The following CPSF7 variants were observed in gnomAD, a reference collection of about 807,000 sequenced individuals.
The protein encoded by CPSF7 is cleavage and polyadenylation specificity factor subunit 7.
A neutral mutation model predicts 44.3 loss-of-function variants in CPSF7; 1 was observed. The observed-to-expected ratio is 0.02, with a 90% CI of 0.01 to 0.11. CPSF7 has a LOEUF of 0.11. CPSF7 is among the 10% of genes least tolerant of loss of function. The pLI is 1.00. For synonymous variants in CPSF7, 202 were observed against 222.0 expected (o/e 0.91, Z 0.80); for missense variants, 443 against 607.2 (o/e 0.73, Z 2.84).
chr11:61,426,232 A>G (rs970397583), intron 2 of CPSF7, among the ~76,000 whole-genome samples: 2 of 152,252 alleles, frequency 1.3e-5, no homozygotes, highest in Non-Finnish European at 2.9e-5. Flanking sequence ...CTTGGGGCGA[A>G]ATCAGTAACA....
In CPSF7 at chr11:61,411,781, C is replaced by A. The variant is rs1259133145; in HGVS notation, c.1214G>T (p.Gly405Val). Residue 405 changes from glycine to valine, a missense_variant, in exon 8 of 10, where the codon GGG becomes GTG. Gly to Val is a moderately radical substitution (Grantham distance 109). Coordinates refer to ENST00000439958, the MANE Select transcript of CPSF7 (RefSeq NM_001142565.3). ...ATCACCAACTCACCTGGAAGAGCTCCCACTGGCACCCACACTGTAGGACTT... is the reference window on the plus strand; with the variant it reads ...ATCACCAACTCACCTGGAAGAGCTCACACTGGCACCCACACTGTAGGACTT... ...EAKSYSVGAS[G>V]SSSRKRHRSR... The A allele has an allele frequency of 6.2e-7, 1 of 1,610,866 alleles. No individual in the cohort carries two copies.
In CPSF7 at chr11:61,410,990, G is replaced by A. The variant is rs1320085150; in HGVS notation, c.1342C>T (p.Arg448Trp). 7 of 1,613,316 alleles carry A rather than the reference G, an allele frequency of 4.3e-6. No homozygotes were observed. The highest frequency in any genetic ancestry group is 5.9e-6 in the Non-Finnish European group (7 of 1,179,852). ...RHDDYFQERN[R>W]EHERHRDRER... ...CTATCCCGGTGTCTCTCATGCTCCC[G>A]GTTCCTTTCTTGGAAATAATCATCA... The change falls in exon 9 of 10, where the codon CGG becomes TGG. Residue 448 changes from arginine to tryptophan, a missense_variant. Transcript: ENST00000439958.
At chr11:61,429,068 G>A in intron 2 of CPSF7, 114 bp downstream of exon 2, 2 of 630,300 alleles carry the variant, frequency 3.2e-6, no homozygotes, top group South Asian at 1.9e-5. Context: ...ATTTTAGACC[G>A]GATAGACGCG....
At chr11:61,408,286 C>A (rs995452285) in intron 9 of CPSF7, among the ~76,000 whole-genome samples, 2 of 151,842 alleles carry the variant, frequency 1.3e-5, no homozygotes, top group Admixed American at 1.3e-4. Context: ...TGGTCTCGGT[C>A]GGGATAGAGA....
At chr11:61,425,424 A>T (rs1045891345) in intron 2 of CPSF7, among the ~76,000 whole-genome samples, 1 of 152,270 alleles carries the variant, frequency 6.6e-6, no homozygotes, top group Non-Finnish European at 1.5e-5. Context: ...GAGATTAAAC[A>T]TGAAACATAT....
In CPSF7 at chr11:61,410,861, A is replaced by G. The variant is rs1446862383; in HGVS notation, c.*5+77T>C. ...CCTTGCTGCATTTACTTTTGCTTTAAAGAGAGAGAATTCTTCACTATAAAT... is the reference window on the plus strand; with the variant it reads ...CCTTGCTGCATTTACTTTTGCTTTAGAGAGAGAGAATTCTTCACTATAAAT... On this transcript the variant is annotated intron_variant, in intron 9 of 9. Coordinates refer to ENST00000439958, the MANE Select transcript of CPSF7 (RefSeq NM_001142565.3). 6 of 1,424,484 alleles carry G rather than the reference A, an allele frequency of 4.2e-6. No individual in the cohort carries two copies. The Admixed American group carries it at 1.2e-4, about 29-fold the overall frequency. The allele number at this position is 1,424,484 out of a possible 1,614,324, so 88.2% of individuals were successfully genotyped here.
intron 2 of CPSF7, among the ~76,000 whole-genome samples, chr11:61,423,105 C>CAAAAAAAAAA (rs71471824): frequency 1.9e-5 from 1 of 52,352 alleles, no homozygotes; most frequent in African/African-American, 8.8e-5. Context: ...GACCCCATAT[C>CAAAAAAAAAA]AAAAAAAAAA....
intron 5 of CPSF7, 35 bp downstream of exon 5, chr11:61,419,914 C>T (rs1483145143): frequency 6.2e-7 from 1 of 1,609,802 alleles, no homozygotes; most frequent in East Asian, 2.2e-5. Context: ...CAGATGGTCT[C>T]CACGTACCCC....
At chr11:61,412,638 C>T (rs1208218328) in intron 7 of CPSF7, among the ~76,000 whole-genome samples, 1 of 152,150 alleles carries the variant, frequency 6.6e-6, no homozygotes, top group Admixed American at 6.5e-5. Context: ...TATAAAGGAA[C>T]ATTGGTTCTA....
intron 4 of CPSF7, 97 bp from the exon 5 acceptor site, chr11:61,420,191 A>AGATGTCCTTTGCTTT: frequency 9.9e-7 from 1 of 1,014,810 alleles, no homozygotes; most frequent in Non-Finnish European, 1.5e-6. Context: ...TGATAAAGCA[A>AGATGTCCTTTGCTTT]AGGACATCTT....
intron 7 of CPSF7, among the ~76,000 whole-genome samples, chr11:61,412,943 T>C (rs1859986059): frequency 6.6e-6 from 1 of 152,258 alleles, no homozygotes. Flanking sequence ...TATTGGTTGA[T>C]GGTCCTTGTA....
chr11:61,427,292 A>G (rs1311305288), intron 2 of CPSF7: 1 of 152,078 alleles, frequency 6.6e-6, no homozygotes, highest in East Asian at 1.9e-4. Context: ...CAGGAAAACA[A>G]TGATTTTGTA....
chr11:61,416,501 T>C lies in CPSF7; in HGVS notation c.542A>G (p.His181Arg). 1 of 1,614,096 alleles carries C rather than the reference T, an allele frequency of 6.2e-7. No homozygotes were observed. The highest frequency in any genetic ancestry group is 8.5e-7 in the Non-Finnish European group (1 of 1,180,006). ...AGCAGAATCACTAGAATCTCGGGAATGGGCCCGTGGAGGTATTCCTATGAA... is the reference window on the plus strand; with the variant it reads ...AGCAGAATCACTAGAATCTCGGGAACGGGCCCGTGGAGGTATTCCTATGAA... ...QARKRIPPRAHSRDSSDSADG... is the reference protein window; with the variant it reads ...QARKRIPPRARSRDSSDSADG... The change falls in exon 6 of 10, where the codon CAT becomes CGT. Residue 181 changes from histidine (H) to arginine (R), a missense_variant. Coordinates refer to ENST00000439958, the MANE Select transcript of CPSF7 (RefSeq NM_001142565.3).
Position 61,410,955 on chromosome 11 carries a change from G to A in CPSF7, c.1377C>T (p.Asp459=). 1 of 1,610,668 alleles carries A rather than the reference G, an allele frequency of 6.2e-7. No individual in the cohort carries two copies. The highest frequency in any genetic ancestry group is 8.5e-7 in the Non-Finnish European group (1 of 1,178,962). ...EHERHRDRER[D]RHH ...CTCCCCACCTTTCTCAGTGGTGCCG[G>A]TCCCGTTCTCTATCCCGGTGTCTCT... Residue 459 remains aspartate, a synonymous_variant, in exon 9 of 10, where the codon GAC becomes GAT. Transcript: ENST00000439958.
intron 1 of CPSF7, chr11:61,429,497 AC>A: frequency 1.9e-6 from 1 of 516,192 alleles, no homozygotes; most frequent in South Asian, 2.8e-5. Context: ...CTCGGGCCCG[AC>A]CCGGGTAGCG....
At position 61,429,899 on chromosome 11, in the gene CPSF7, G is replaced by T; in HGVS notation, c.-56+15C>A. On this transcript the variant is annotated intron_variant, in intron 1 of 9. Transcript: ENST00000439958. ...CTTCCGGCCCAACCTGCCCCCGACC[G>T]CGCGCCCCCGTTACCGGGAATATGG... 6.6e-7 allele frequency: 1 copy of T among 1,505,924 alleles called. No individual in the cohort carries two copies. 93.3% of individuals were successfully genotyped at this position (1,505,924 alleles called of 1,614,324 possible).
intron 7 of CPSF7, 126 bp from the exon 8 acceptor site, chr11:61,412,063 G>A (rs1353378691): frequency 1.4e-6 from 1 of 713,974 alleles, no homozygotes; most frequent in Non-Finnish European, 2.3e-6. Flanking sequence ...CGGTAAAAGA[G>A]ACAAGGCAGA....
intron 2 of CPSF7, among the ~76,000 whole-genome samples, chr11:61,423,758 C>T (rs1861111198): frequency 6.6e-6 from 1 of 152,138 alleles, no homozygotes; most frequent in Non-Finnish European, 1.5e-5. Context: ...ACGGCAATAA[C>T]TGCTAATTCT....
chr11:61,411,252 G>T, intron 8 of CPSF7, 147 bp from the exon 9 acceptor site: 3 of 729,520 alleles, frequency 4.1e-6, no homozygotes, highest in Non-Finnish European at 6.3e-6. Context: ...AGCTCTTTGA[G>T]GACTACTCTT....
Sources: allele counts gnomAD v4.1 joint callset (sites outside exome capture counted in the v4.1 genomes callset), GRCh38; gene constraint gnomAD v4.1.1; transcripts MANE v1.5; gene names NCBI Gene and HGNC (gene_info 2026-07-23, HGNC 2026-07-21).